Variants in CSMD1 observed in about 807,000 individuals in gnomAD.
CSMD1 encodes the protein CUB and Sushi multiple domains 1.
In CSMD1, 213 loss-of-function variants were observed where a neutral mutation model predicts 417.5. The ratio of observed to expected loss-of-function variants is 0.51; its 90% confidence interval spans 0.46 to 0.57. The LOEUF is 0.57. CSMD1 is among the 20% of genes least tolerant of loss of function. CSMD1 has a pLI of 0.00. For synonymous variants in CSMD1, 2,862 were observed against 1,736.8 expected (o/e 1.65, Z -16.11); for missense variants, 6,923 against 4,529.7 (o/e 1.53, Z -15.17).
intron 1 of CSMD1, among the ~76,000 whole-genome samples, chr8:4,678,648 T>C (rs779247505): frequency 6.6e-6 from 1 of 152,178 alleles, no homozygotes; most frequent in Non-Finnish European, 1.5e-5. Flanking sequence ...TACCTATTTA[T>C]TTATCAGGGA....
intron 41 of CSMD1, among the ~76,000 whole-genome samples, chr8:3,135,835 T>G (rs187303531): frequency 3.3e-4 from 50 of 151,956 alleles, no homozygotes; most frequent in African/African-American, 1.1e-3. Context: ...GCAATTGCAG[T>G]AGGAGAAGCA....
chr8:3,452,111 T>G (rs532013816), intron 12 of CSMD1, among the ~76,000 whole-genome samples: 111 of 152,336 alleles, frequency 7.3e-4, no homozygotes, highest in African/African-American at 2.6e-3. Context: ...GATTTGGCTC[T>G]CTGTTTGTCT....
intron 3 of CSMD1, among the ~76,000 whole-genome samples, chr8:4,412,836 T>C (rs984293891): frequency 6.6e-6 from 1 of 152,082 alleles, no homozygotes; most frequent in Non-Finnish European, 1.5e-5. Context: ...TGAAACCAAA[T>C]TGTAATGGAA....
chr8:4,430,576 A>G (rs1797819716), intron 2 of CSMD1, among the ~76,000 whole-genome samples: 1 of 152,028 alleles, frequency 6.6e-6, no homozygotes, highest in Non-Finnish European at 1.5e-5. Flanking sequence ...AAGAAAATAA[A>G]TTTTCCCCAA....
chr8:3,436,954 AAG>A (rs1491525445), intron 12 of CSMD1, among the ~76,000 whole-genome samples: 2 of 152,198 alleles, frequency 1.3e-5, no homozygotes, highest in African/African-American at 2.4e-5. Flanking sequence ...AGCTAAAAAA[AAG>A]AGAGAAAAAA....
intron 5 of CSMD1, among the ~76,000 whole-genome samples, chr8:3,918,785 C>G (rs1809012991): frequency 6.6e-6 from 1 of 152,002 alleles, no homozygotes; most frequent in South Asian, 2.1e-4. Flanking sequence ...AATGGAAAAC[C>G]AAACATTTTA....
At chr8:4,441,792 G>C (rs774474194) in intron 2 of CSMD1, among the ~76,000 whole-genome samples, 5 of 151,998 alleles carry the variant, frequency 3.3e-5, no homozygotes, top group African/African-American at 4.8e-5. Flanking sequence ...TGTATCACAA[G>C]ATAAATCAAA....
chr8:4,253,555 GA>G (rs1803232848), intron 3 of CSMD1, among the ~76,000 whole-genome samples: 1 of 152,140 alleles, frequency 6.6e-6, no homozygotes, highest in Non-Finnish European at 1.5e-5. Context: ...TAATCTTGGA[GA>G]ACATTTGATC....
rs1801496931 is a variant in CSMD1 at position 2,936,496 on chromosome 8, G to A, written c.*2089C>T. On this transcript the variant is annotated 3_prime_UTR_variant, in exon 70 of 70. Coordinates refer to ENST00000635120, the MANE Select transcript of CSMD1 (RefSeq NM_033225.6). ...GTTTCGTTCAATGTGTGTGTTAGGA[G>A]CACGACTCCCGCTGACCTCGTCCCG... 2 of 152,046 alleles carry A rather than the reference G, an allele frequency of 1.3e-5. No individual in the cohort carries two copies. The highest frequency in any genetic ancestry group is 2.9e-5 in the Non-Finnish European group (2 of 68,028). The allele number at this position is 152,046 out of a possible 1,614,324, so 9.4% of individuals were successfully genotyped here. A position where few individuals can be genotyped will look rare whatever the true frequency, so the allele number is the denominator to read the frequency against.
chr8:3,241,117 G>A (rs1295406029), intron 26 of CSMD1, among the ~76,000 whole-genome samples: 1 of 151,388 alleles, frequency 6.6e-6, no homozygotes, highest in Non-Finnish European at 1.5e-5. Context: ...GGGAAGAAGG[G>A]CGGCAATGAG....
At chr8:3,551,597 T>TATATATA (rs1491324597) in intron 10 of CSMD1, among the ~76,000 whole-genome samples, 248 of 90,512 alleles carry the variant, frequency 2.7e-3, no homozygotes, top group African/African-American at 0.015. Flanking sequence ...TATATATATA[T>TATATATA]TTTTTTTTTT....
chr8:3,121,768 C>T (rs562385848), intron 41 of CSMD1, among the ~76,000 whole-genome samples: 1 of 152,192 alleles, frequency 6.6e-6, no homozygotes, highest in South Asian at 2.1e-4. Context: ...CACTGCACTC[C>T]AGCCTGGGTG....
At chr8:4,090,828 A>G (rs1430187318) in intron 3 of CSMD1, among the ~76,000 whole-genome samples, 1 of 152,234 alleles carries the variant, frequency 6.6e-6, no homozygotes, top group Non-Finnish European at 1.5e-5. Flanking sequence ...GTCGAATGAA[A>G]AAATAGAAAT....
rs183419410 is a variant in CSMD1 at position 3,982,409 on chromosome 8, T to C, written c.818+15494A>G. On this transcript the variant is annotated intron_variant, in intron 5 of 69. Transcript: ENST00000635120. ...GTTAGGAAAATTAAATGAGCTAATA[T>C]ATGGAAAGCACAATAAGACATGGAA... Among the ~76,000 whole-genome samples the C allele has an allele frequency of 6.5e-3, 993 of 151,808 alleles. 12 individuals are homozygous for C. Among genetic ancestry groups the C allele is most frequent in the African/African-American group, 0.023 (948 of 41,434 alleles).
At chr8:4,230,232 T>C (rs1801633115) in intron 3 of CSMD1, among the ~76,000 whole-genome samples, 1 of 152,192 alleles carries the variant, frequency 6.6e-6, no homozygotes, top group African/African-American at 2.4e-5. Context: ...TAAATGTTTG[T>C]GTTGCTCTAC....
chr8:3,467,841 T>C (rs1236146975), intron 12 of CSMD1, among the ~76,000 whole-genome samples: 1 of 152,230 alleles, frequency 6.6e-6, no homozygotes, highest in Admixed American at 6.5e-5. Flanking sequence ...AACTTCTTGT[T>C]ACATTTTTCA....
Position 4,421,314 on chromosome 8 carries a change from A to C in CSMD1, c.303-1249T>G, listed in dbSNP as rs79076912. Among the ~76,000 whole-genome samples the C allele has an allele frequency of 2.2e-3, 335 of 152,332 alleles. 1 individual carries two copies. Among genetic ancestry groups the C allele is most frequent in the African/African-American group, 7.5e-3 (312 of 41,588 alleles). On this transcript the variant is annotated intron_variant, in intron 2 of 69. Coordinates refer to ENST00000635120, the MANE Select transcript of CSMD1 (RefSeq NM_033225.6). ...GAAGACCAGCAAGAATACAGAACTC[A>C]TCAACCCTATATAACAGTATTTAAT...
chr8:4,183,092 C>A (rs1415852956), intron 3 of CSMD1, among the ~76,000 whole-genome samples: 1 of 152,138 alleles, frequency 6.6e-6, no homozygotes, highest in Non-Finnish European at 1.5e-5. Flanking sequence ...ATCACAGCGA[C>A]ACCCTATATA....
chr8:4,181,685 T>A (rs143583527), intron 3 of CSMD1, among the ~76,000 whole-genome samples: 54 of 152,180 alleles, frequency 3.5e-4, no homozygotes, highest in African/African-American at 1.3e-3. Context: ...ACTCAATTCA[T>A]TTATACTTTT....
Sources: allele counts gnomAD v4.1 joint callset (sites outside exome capture counted in the v4.1 genomes callset), GRCh38; gene constraint gnomAD v4.1.1; transcripts MANE v1.5; gene names NCBI Gene and HGNC (gene_info 2026-07-23, HGNC 2026-07-21).